Variants in UCHL3 observed in about 807,000 individuals in gnomAD.
UCHL3 encodes ubiquitin C-terminal hydrolase L3.
Under a neutral mutation model 35.8 loss-of-function variants are expected in UCHL3, and 22 were observed. That is an observed-to-expected ratio of 0.61 (90% CI 0.44 to 0.88). UCHL3 has a LOEUF of 0.88. Among genes scored for constraint, UCHL3 ranks in the 40% least tolerant of loss-of-function variants. UCHL3 has a pLI of 0.00. For synonymous variants in UCHL3, 90 were observed against 92.8 expected (o/e 0.97, Z 0.17); for missense variants, 229 against 276.9 (o/e 0.83, Z 1.23).
chr13:75,596,260 G>C (rs576177496), intron 7 of UCHL3, among the ~76,000 whole-genome samples: 1 of 152,204 alleles, frequency 6.6e-6, no homozygotes, highest in Non-Finnish European at 1.5e-5. Context: ...GTGCAACCCT[G>C]AGCGTTGTCT....
chr13:75,577,172 C>G (rs919826772), intron 6 of UCHL3, among the ~76,000 whole-genome samples: 1 of 152,094 alleles, frequency 6.6e-6, no homozygotes, highest in East Asian at 1.9e-4. Context: ...ATGGCTTCAG[C>G]TCAGGAGGTC....
chr13:75,565,138 C>A (rs1241395822), intron 3 of UCHL3, among the ~76,000 whole-genome samples: 1 of 151,922 alleles, frequency 6.6e-6, no homozygotes, highest in East Asian at 1.9e-4. Flanking sequence ...ACCATAATTT[C>A]TTTTTTTCCT....
rs2274048 is a variant in UCHL3, at chr13:75,605,906, T to G, written c.*94T>G. 0.15 allele frequency: 187,888 copies of G among 1,237,726 alleles called. 16,145 individuals are homozygous for G. Among genetic ancestry groups the G allele is most frequent in the Middle Eastern group, 0.29 (1,509 of 5,158 alleles). The allele number at this position is 1,237,726 out of a possible 1,614,324, so 76.7% of individuals were successfully genotyped here. A position where few individuals can be genotyped will look rare whatever the true frequency, so the allele number is the denominator to read the frequency against. ...CAAAAATTTTGATATTTTCATTAACTTGATGATTAAACTTTATGTGAGTTA... is the reference window on the plus strand; with the variant it reads ...CAAAAATTTTGATATTTTCATTAACGTGATGATTAAACTTTATGTGAGTTA... On this transcript the variant is annotated 3_prime_UTR_variant, in exon 9 of 9. Transcript: ENST00000377595.
At chr13:75,589,949 A>G in intron 6 of UCHL3, 1 of 1,303,830 alleles carries the variant, frequency 7.7e-7, no homozygotes, top group Non-Finnish European at 1.0e-6. Flanking sequence ...CCTCCTCGCC[A>G]TCCTCATCAC....
Position 75,564,307 on chromosome 13 carries a change from C to T in UCHL3, c.184-2388C>T, listed in dbSNP as rs1194537068. Among the ~76,000 whole-genome samples, 13 of 152,068 alleles carry T rather than the reference C, an allele frequency of 8.5e-5. No homozygotes were observed. The East Asian group carries it at 1.6e-3, about 18-fold the overall frequency. ...CTGGGACTACAGGTGCCTGCCACCACGCCCGGCTTATTTTTTGTATTTTTA... is the reference window on the plus strand; with the variant it reads ...CTGGGACTACAGGTGCCTGCCACCATGCCCGGCTTATTTTTTGTATTTTTA... On this transcript the variant is annotated intron_variant, in intron 3 of 8. Coordinates refer to ENST00000377595, the MANE Select transcript of UCHL3 (RefSeq NM_006002.5).
intron 6 of UCHL3, among the ~76,000 whole-genome samples, chr13:75,582,009 G>A (rs557849221): frequency 1.4e-4 from 21 of 152,286 alleles, no homozygotes; most frequent in African/African-American, 5.1e-4. Flanking sequence ...TGATGGGCGA[G>A]TGACCTTGCA....
In UCHL3 at chr13:75,605,753, T is replaced by C; in HGVS notation, c.634T>C (p.Phe212Leu). The change falls in exon 9 of 9, where the codon TTT (phenylalanine) becomes CTT (leucine). Residue 212 changes from phenylalanine to leucine, a missense_variant. Coordinates refer to ENST00000377595, the MANE Select transcript of UCHL3 (RefSeq NM_006002.5). ...LEDAIEVCKK[F>L]MERDPDELRF... ...GGATGCCATAGAAGTTTGCAAGAAG[T>C]TTATGGAGCGCGACCCTGATGAACT... 1 of 1,613,990 alleles carries C rather than the reference T, an allele frequency of 6.2e-7. No individual in the cohort carries two copies. Among genetic ancestry groups the C allele is most frequent in the Non-Finnish European group, 8.5e-7 (1 of 1,179,980 alleles).
At chr13:75,567,404 T>C in intron 5 of UCHL3, 92 bp downstream of exon 5, 1 of 1,112,074 alleles carries the variant, frequency 9.0e-7, no homozygotes, top group South Asian at 1.4e-5. Context: ...ACCATAGTTT[T>C]GAGCAATTAT....
intron 7 of UCHL3, among the ~76,000 whole-genome samples, chr13:75,601,799 G>A (rs2032786851): frequency 1.3e-5 from 2 of 152,072 alleles, no homozygotes; most frequent in African/African-American, 2.4e-5. Context: ...TTTTAAGCCT[G>A]TACATTTTTA....
intron 2 of UCHL3, among the ~76,000 whole-genome samples, chr13:75,550,581 CTA>C (rs1042928889): frequency 1.3e-5 from 2 of 151,814 alleles, no homozygotes; most frequent in African/African-American, 4.8e-5. Flanking sequence ...TCTTTGCAAT[CTA>C]TAGCAATTTA....
Position 75,592,435 on chromosome 13 carries a change from T to C in UCHL3, c.475-2480T>C, listed in dbSNP as rs866260447. On this transcript the variant is annotated intron_variant, in intron 6 of 8. Transcript: ENST00000377595. ...TCCTTCATATATATATATATATATA[T>C]ATATATATATATATATATATATATA... 2.4e-3 allele frequency among the ~76,000 whole-genome samples: 239 copies of C among 98,644 alleles called. 5 individuals are homozygous for C. The highest frequency in any genetic ancestry group is 8.0e-3 in the African/African-American group (197 of 24,554). 64.7% of individuals were successfully genotyped at this position (98,644 alleles called of 152,430 possible).
chr13:75,601,147 G>A (rs778856290), intron 7 of UCHL3, among the ~76,000 whole-genome samples: 30 of 152,148 alleles, frequency 2.0e-4, no homozygotes, highest in Non-Finnish European at 4.1e-4. Flanking sequence ...TTAAAGATGA[G>A]CAAATAAACT....
intron 3 of UCHL3, 151 bp downstream of exon 3, chr13:75,561,032 G>C: frequency 1.6e-6 from 1 of 630,298 alleles, no homozygotes; most frequent in Non-Finnish European, 2.4e-6. Context: ...CCAGGCTCAA[G>C]CGATCCTCCC....
intron 6 of UCHL3, among the ~76,000 whole-genome samples, chr13:75,592,086 ATT>A (rs2032491774): frequency 6.6e-6 from 1 of 151,992 alleles, no homozygotes; most frequent in Non-Finnish European, 1.5e-5. Context: ...GGTGGTATGT[ATT>A]AAGTGCTATA....
At chr13:75,567,747 C>T (rs1013736359) in intron 5 of UCHL3, among the ~76,000 whole-genome samples, 1 of 151,968 alleles carries the variant, frequency 6.6e-6, no homozygotes, top group African/African-American at 2.4e-5. Flanking sequence ...AGGGTTTTGC[C>T]ATGTTGGTCA....
intron 6 of UCHL3, among the ~76,000 whole-genome samples, chr13:75,576,828 G>C (rs74742033): frequency 6.6e-6 from 1 of 152,162 alleles, no homozygotes; most frequent in East Asian, 1.9e-4. Context: ...TAGAAAAATA[G>C]TTACTGATTT....
intron 6 of UCHL3, among the ~76,000 whole-genome samples, chr13:75,583,192 T>G (rs2032233283): frequency 6.6e-6 from 1 of 152,188 alleles, no homozygotes; most frequent in Non-Finnish European, 1.5e-5. Flanking sequence ...AAGCTTTGCC[T>G]GCCCCCAGGC....
At chr13:75,589,924 T>C (rs1426914596) in intron 6 of UCHL3, 1 of 1,291,760 alleles carries the variant, frequency 7.7e-7, no homozygotes, top group Non-Finnish European at 1.0e-6. Flanking sequence ...ATATTCTCTT[T>C]TTTAATTATG....
intron 3 of UCHL3, among the ~76,000 whole-genome samples, chr13:75,564,647 C>A (rs1036012455): frequency 2.0e-5 from 3 of 152,126 alleles, no homozygotes; most frequent in African/African-American, 7.2e-5. Flanking sequence ...CACACCCTCA[C>A]CATTATTTAT....
Sources: gnomAD v4.1 joint callset for allele counts (sites outside exome capture counted in the v4.1 genomes callset) on GRCh38, gnomAD v4.1.1 for gene constraint, MANE v1.5 for transcripts, NCBI Gene and HGNC (gene_info 2026-07-23, HGNC 2026-07-21) for gene names.